The following GON4L variants were observed in gnomAD, a reference collection of about 807,000 sequenced individuals.
GON4L encodes the protein GON-4-like protein.
GON4L carries 87 observed loss-of-function variants against 211.8 expected under a neutral mutation model. The observed-to-expected ratio is 0.41, with a 90% CI of 0.35 to 0.49. The LOEUF is 0.49. GON4L is among the 20% of genes least tolerant of loss of function. The pLI is 0.15. For missense variants in GON4L, 2,155 were observed against 2,659.5 expected, an observed-to-expected ratio of 0.81 and a Z score of 4.17; for synonymous variants, 875 against 962.6, an observed-to-expected ratio of 0.91 and a Z score of 1.68.
At chr1:155,751,578 C>A (rs150942984) in intron 31 of GON4L, among the ~76,000 whole-genome samples, 189 bp downstream of exon 31, 77 of 152,232 alleles carry the variant, frequency 5.1e-4, no homozygotes, top group African/African-American at 1.5e-3. Flanking sequence ...ATTTAAAAAT[C>A]CTCAAAATCT....
rs778538522 is a variant in GON4L at position 155,826,820 on chromosome 1, A to G, written c.697+17T>C. 1 of 1,545,116 alleles carries G rather than the reference A, an allele frequency of 6.5e-7. No homozygotes were observed. Among genetic ancestry groups the G allele is most frequent in the Non-Finnish European group, 8.9e-7 (1 of 1,118,428 alleles). ...ATAAAGAGGTTTCATTTAATTAAAAAGAAAAAGAAAGCCTACCCATTGGAA... is the reference window on the plus strand; with the variant it reads ...ATAAAGAGGTTTCATTTAATTAAAAGGAAAAAGAAAGCCTACCCATTGGAA... On this transcript the variant is annotated intron_variant, in intron 3 of 31. Coordinates refer to ENST00000368331, the MANE Select transcript of GON4L (RefSeq NM_001282860.2).
At chr1:155,758,682 C>A (rs545717108) in intron 24 of GON4L, among the ~76,000 whole-genome samples, 2 of 152,258 alleles carry the variant, frequency 1.3e-5, no homozygotes, top group South Asian at 4.1e-4. Flanking sequence ...AGTTCGAGAC[C>A]AGCCTGACCA....
At chr1:155,836,746 C>T (rs1333053720) in intron 2 of GON4L, among the ~76,000 whole-genome samples, 1 of 152,218 alleles carries the variant, frequency 6.6e-6, no homozygotes, top group East Asian at 1.9e-4. Context: ...CTCTCTCAGA[C>T]CTTTTCTCTT....
At chr1:155,759,965 TTATATATATATATATATGATA>T (rs1170823848) in intron 24 of GON4L, among the ~76,000 whole-genome samples, 1 of 144,282 alleles carries the variant, frequency 6.9e-6, no homozygotes, top group Non-Finnish European at 1.5e-5. Flanking sequence ...ATTTTATATA[TTATATATATATATATATGATA>T]TATATATATA....
Position 155,804,961 on chromosome 1 carries a change from C to A in GON4L, c.1633G>T (p.Val545Leu), listed in dbSNP as rs1162814457. ...MWLGGLMNDD[V>L]GNEDEADDDD... ...AACCAAAACTTACCTTCATTCCCCACATCATCATTCATAAGTCCCCCCAGC... is the reference window on the plus strand; with the variant it reads ...AACCAAAACTTACCTTCATTCCCCAAATCATCATTCATAAGTCCCCCCAGC... Residue 545 changes from valine to leucine, a missense_variant, in exon 11 of 32, where the codon GTG becomes TTG. By Grantham distance (32) the Val-to-Leu change is conservative. This residue lies in a region of GON4L where 551 missense variants were observed against 854.0 expected (regional missense o/e 0.65). Coordinates refer to ENST00000368331, the MANE Select transcript of GON4L (RefSeq NM_001282860.2). 13 of 1,613,064 alleles carry A rather than the reference C, an allele frequency of 8.1e-6. No homozygotes were observed. The highest frequency in any genetic ancestry group is 1.0e-5 in the Non-Finnish European group (12 of 1,179,206).
At chr1:155,815,327 G>C (rs1668142860) in intron 8 of GON4L, among the ~76,000 whole-genome samples, 1 of 151,970 alleles carries the variant, frequency 6.6e-6, no homozygotes, top group Non-Finnish European at 1.5e-5. Context: ...TAAAAAGCTA[G>C]GAACAAAACA....
At chr1:155,817,385 A>G (rs921405717) in intron 6 of GON4L, among the ~76,000 whole-genome samples, 1 of 152,190 alleles carries the variant, frequency 6.6e-6, no homozygotes, top group African/African-American at 2.4e-5. Flanking sequence ...CCCAACCAAA[A>G]GCACCTTATG....
chr1:155,842,750 T>C (rs1462738195), intron 2 of GON4L, among the ~76,000 whole-genome samples: 2 of 150,730 alleles, frequency 1.3e-5, no homozygotes, highest in Non-Finnish European at 2.9e-5. Flanking sequence ...GGCAGGGGAA[T>C]CACTTGAACC....
At chr1:155,803,952 TTACTACAC>T (rs1273327894) in intron 11 of GON4L, among the ~76,000 whole-genome samples, 1 of 152,198 alleles carries the variant, frequency 6.6e-6, no homozygotes, top group African/African-American at 2.4e-5. Flanking sequence ...CACTGCTGAT[TTACTACAC>T]TTCCCAAAGT....
intron 6 of GON4L, among the ~76,000 whole-genome samples, chr1:155,817,939 A>AG (rs2102224163): frequency 6.6e-6 from 1 of 151,652 alleles, no homozygotes; most frequent in East Asian, 1.9e-4. Context: ...AAAAAAAAAA[A>AG]AAAGAAAGAA....
intron 2 of GON4L, among the ~76,000 whole-genome samples, chr1:155,849,717 T>C (rs978649373): frequency 1.5e-5 from 2 of 134,728 alleles, no homozygotes; most frequent in Non-Finnish European, 3.0e-5. Flanking sequence ...GAGGTTGCAG[T>C]GAGTCAAGAT....
At chr1:155,754,278 T>C (rs747622494) in intron 28 of GON4L, 97 bp downstream of exon 28, 369 of 794,214 alleles carry the variant, frequency 4.6e-4, no homozygotes, top group Non-Finnish European at 6.8e-4. Context: ...GTTATTTATA[T>C]ATGTGCCTTT....
At chr1:155,760,881 C>T (rs1018297765) in intron 23 of GON4L, among the ~76,000 whole-genome samples, 3 of 152,202 alleles carry the variant, frequency 2.0e-5, no homozygotes, top group Non-Finnish European at 1.5e-5. Context: ...CACAGTTCTA[C>T]CCACAAAACC....
At chr1:155,812,806 C>T (rs1667913813) in intron 10 of GON4L, among the ~76,000 whole-genome samples, 1 of 152,130 alleles carries the variant, frequency 6.6e-6, no homozygotes, top group African/African-American at 2.4e-5. Flanking sequence ...ATCCACCAAC[C>T]TTGGCCTCTC....
At chr1:155,859,104 C>T (rs1340331877), upstream of GON4L, among the ~76,000 whole-genome samples, 1 of 151,402 alleles carries the variant, frequency 6.6e-6, no homozygotes, top group Non-Finnish European at 1.5e-5. Flanking sequence ...GAAATATAAG[C>T]CAAAAAAAAA....
In GON4L at chr1:155,855,979, C is replaced by CAA. The variant is rs755007254; in HGVS notation, c.-27+1166_-27+1167dup. Among the ~76,000 whole-genome samples, 34 of 23,700 alleles carry CAA rather than the reference C, an allele frequency of 1.4e-3. 3 individuals are homozygous for CAA. The highest frequency in any genetic ancestry group is 6.3e-3 in the Admixed American group (9 of 1,420). 15.5% of individuals were successfully genotyped at this position (23,700 alleles called of 152,430 possible). A position where few individuals can be genotyped will look rare whatever the true frequency, so the allele number is the denominator to read the frequency against. ...CCTGGGCAACAGAGGGAGACTCTGTCAAAAAAAAAAAAAAAAAAAAAAAAA... is the reference window on the plus strand; with the variant it reads ...CCTGGGCAACAGAGGGAGACTCTGTCAAAAAAAAAAAAAAAAAAAAAAAAAAA... On this transcript the variant is annotated intron_variant, in intron 1 of 31. Coordinates refer to ENST00000368331, the MANE Select transcript of GON4L (RefSeq NM_001282860.2).
intron 5 of GON4L, among the ~76,000 whole-genome samples, chr1:155,821,258 T>C (rs1242194896): frequency 6.6e-6 from 1 of 151,182 alleles, no homozygotes; most frequent in African/African-American, 2.4e-5. Context: ...AGAGTAAGAC[T>C]CCGTCTCAAA....
At chr1:155,846,068 C>G (rs1392651121) in intron 2 of GON4L, 1 of 221,636 alleles carries the variant, frequency 4.5e-6, no homozygotes, top group African/African-American at 2.3e-5. Context: ...GGTCTTCAAG[C>G]TGCTGCCAGT....
Position 155,752,217 on chromosome 1 carries a change from G to A in GON4L, c.6216C>T (p.Asp2072=). The change falls in exon 30 of 32, where the codon GAC becomes GAT. Residue 2072 remains aspartate, a synonymous_variant. Coordinates refer to ENST00000368331, the MANE Select transcript of GON4L (RefSeq NM_001282860.2). ...AGRRHVSGKP[D]TQERWLPSSR... ...TTGAGGGCAGCCATCTCTCTTGAGTGTCTGGTTTCCCGGACACATGTCTTC... is the reference window on the plus strand; with the variant it reads ...TTGAGGGCAGCCATCTCTCTTGAGTATCTGGTTTCCCGGACACATGTCTTC... The A allele has an allele frequency of 6.2e-7, 1 of 1,613,510 alleles. No homozygotes were observed. Among genetic ancestry groups the A allele is most frequent in the Non-Finnish European group, 8.5e-7 (1 of 1,179,626 alleles).
Sources: gnomAD v4.1 joint callset for allele counts (sites outside exome capture counted in the v4.1 genomes callset) on GRCh38, gnomAD v4.1.1 for gene constraint, gnomAD v4.1.1 regional missense constraint, MANE v1.5 for transcripts, NCBI Gene and HGNC (gene_info 2026-07-23, HGNC 2026-07-21) for gene names.